RIN3: variants seen among roughly 807,000 people sequenced by gnomAD.
RIN3 encodes the protein RAB5 interacting protein 3.
RIN3 carries 54 observed loss-of-function variants against 76.3 expected under a neutral mutation model. The ratio of observed to expected loss-of-function variants is 0.71; its 90% confidence interval spans 0.57 to 0.89. The LOEUF (loss-of-function observed/expected upper bound fraction) is 0.89. RIN3 is among the 40% of genes least tolerant of loss of function. RIN3 has a pLI of 0.00. For missense variants in RIN3, 1,256 were observed against 1,322.1 expected (o/e 0.95, Z 0.78); for synonymous variants, 576 against 564.0 (o/e 1.02, Z -0.30).
chr14:92,613,783 C>T (rs1885841647), intron 3 of RIN3, among the ~76,000 whole-genome samples: 1 of 152,194 alleles, frequency 6.6e-6, no homozygotes, highest in Non-Finnish European at 1.5e-5. Flanking sequence ...CCGGGTCCTG[C>T]CTTCCCTCTC....
chr14:92,560,778 G>A (rs1595416020), intron 2 of RIN3, among the ~76,000 whole-genome samples: 1 of 151,676 alleles, frequency 6.6e-6, no homozygotes, highest in Non-Finnish European at 1.5e-5. Flanking sequence ...CAGCCCTTTG[G>A]GAGGCCAAGG....
At chr14:92,646,579 G>A (rs112560164) in intron 5 of RIN3, among the ~76,000 whole-genome samples, 21,182 of 152,126 alleles carry the variant, frequency 0.14, 1,734 homozygotes, top group Non-Finnish European at 0.19. Flanking sequence ...AGCTGGGATT[G>A]CAGGCACCTG....
chr14:92,655,240 C>G lies in RIN3; in HGVS notation c.2026+2165C>G, dbSNP rs372611995. ...GCATGTGCCTGTAGTCCCAGTTACT[C>G]AGGTGGCTGAGGCACAAGAATTGCT... On this transcript the variant is annotated intron_variant, in intron 6 of 9. Transcript: ENST00000216487. Among the ~76,000 whole-genome samples the G allele has an allele frequency of 2.6e-5, 4 of 152,036 alleles. No individual in the cohort carries two copies. In the East Asian group the frequency reaches 5.8e-4, roughly 22 times the overall value.
Position 92,652,019 on chromosome 14 carries a change from C to CCCCAT in RIN3, c.971_975dup (p.Ala326ProfsTer15). ...CCCAGTGCCTGCCCCCCACGTCACA[C>CCCCAT]CCCATGCCCCAGGTCCCCCAGACCA... On this transcript the variant is annotated frameshift_variant, in exon 6 of 10. Transcript: ENST00000216487. LOFTEE classifies it high-confidence loss of function. This position sits in a 1 kb window ranked among gnomAD's most constrained non-coding sequence, Gnocchi z 6.4. The CCCCAT allele has an allele frequency of 6.3e-7, 1 of 1,585,146 alleles. No homozygotes were observed. The highest frequency in any genetic ancestry group is 1.1e-5 in the South Asian group (1 of 90,470).
chr14:92,519,579 C>T (rs905052256), intron 1 of RIN3, among the ~76,000 whole-genome samples: 1 of 152,186 alleles, frequency 6.6e-6, no homozygotes, highest in African/African-American at 2.4e-5. Context: ...AAGCCTGCCC[C>T]TGTCAGGGTT....
intron 1 of RIN3, among the ~76,000 whole-genome samples, chr14:92,519,418 G>A (rs1316985882): frequency 1.3e-5 from 2 of 152,248 alleles, no homozygotes; most frequent in Non-Finnish European, 2.9e-5. Context: ...TCTCAGGCGG[G>A]GAGCCCTGGT....
Position 92,685,316 on chromosome 14 carries a change from G to T in RIN3, c.2631+166G>T. ...ACCAGAGGAAGGGCCCCCAGCCCCT[G>T]CTGCCAGTGTGTGTCCAGGACTTGG... On this transcript the variant is annotated intron_variant, in intron 9 of 9. Transcript: ENST00000216487. The surrounding 1 kb of genome is among the most constrained non-coding windows in gnomAD (Gnocchi z 4.7). 1.5e-6 allele frequency: 1 copy of T among 683,836 alleles called. No individual in the cohort carries two copies. Among genetic ancestry groups the T allele is most frequent in the African/African-American group, 1.8e-5 (1 of 55,554 alleles). 42.4% of individuals were successfully genotyped at this position (683,836 alleles called of 1,614,324 possible).
chr14:92,545,241 G>GT (rs1236313117), intron 1 of RIN3, among the ~76,000 whole-genome samples: 1 of 151,202 alleles, frequency 6.6e-6, no homozygotes, highest in Admixed American at 6.6e-5. Flanking sequence ...TCCAAAGTAG[G>GT]TGGGACTACA....
chr14:92,530,058 T>C (rs1458758212), intron 1 of RIN3, among the ~76,000 whole-genome samples: 2 of 152,246 alleles, frequency 1.3e-5, no homozygotes, highest in Non-Finnish European at 2.9e-5. Flanking sequence ...TCAGTGTTCA[T>C]GGTGACTTTA....
intron 3 of RIN3, among the ~76,000 whole-genome samples, chr14:92,611,973 C>G (rs1383971432): frequency 6.6e-6 from 1 of 152,090 alleles, no homozygotes; most frequent in Non-Finnish European, 1.5e-5. Flanking sequence ...GGGAGCAGAG[C>G]AAGGTGGGGG....
intron 3 of RIN3, among the ~76,000 whole-genome samples, chr14:92,582,673 G>A (rs1042347974): frequency 2.0e-5 from 3 of 151,954 alleles, no homozygotes; most frequent in Non-Finnish European, 2.9e-5. Context: ...GGCTGGTCTC[G>A]AACTCCTGAC....
At chr14:92,670,975 A>C (rs1888268823) in intron 7 of RIN3, among the ~76,000 whole-genome samples, 1 of 152,226 alleles carries the variant, frequency 6.6e-6, no homozygotes, top group African/African-American at 2.4e-5. Flanking sequence ...TAAGGCCCAC[A>C]GGACATCCCA....
intron 5 of RIN3, among the ~76,000 whole-genome samples, chr14:92,647,499 T>G (rs1413580804): frequency 6.6e-6 from 1 of 152,220 alleles, no homozygotes; most frequent in Non-Finnish European, 1.5e-5. Flanking sequence ...AGGAAAGGCA[T>G]CTGTTCTGTG....
intron 8 of RIN3, among the ~76,000 whole-genome samples, chr14:92,678,994 C>G (rs1204832600): frequency 1.3e-5 from 2 of 152,218 alleles, no homozygotes; most frequent in Non-Finnish European, 2.9e-5. Flanking sequence ...GTCCCCCACC[C>G]CAATCCTGCC....
At position 92,648,090 on chromosome 14, in the gene RIN3, C is replaced by T. The variant is rs1595481362; in HGVS notation, c.533-3492C>T. Among the ~76,000 whole-genome samples the T allele has an allele frequency of 7.2e-6, 1 of 138,834 alleles. No individual in the cohort carries two copies. 91.1% of individuals were successfully genotyped at this position (138,834 alleles called of 152,430 possible). On this transcript the variant is annotated intron_variant, in intron 5 of 9. Transcript: ENST00000216487. The surrounding 1 kb of genome is among the most constrained non-coding windows in gnomAD (Gnocchi z 4.1). ...GCTGCAGAGAAAGTTACTCATTTCCCTTTTTTTTTTTTTTTTGGAGCATAA... is the reference window on the plus strand; with the variant it reads ...GCTGCAGAGAAAGTTACTCATTTCCTTTTTTTTTTTTTTTTTGGAGCATAA...
Position 92,651,679 on chromosome 14 carries a change from C to G in RIN3, c.630C>G (p.Leu210=), listed in dbSNP as rs759520468. 6.2e-7 allele frequency: 1 copy of G among 1,614,080 alleles called. No homozygotes were observed. The highest frequency in any genetic ancestry group is 1.7e-5 in the Admixed American group (1 of 60,020). The part of the protein sequence containing the change: ...RAPGFPLVSS[L]RPTAHDANCA... ...CCGGATTCCCCCTAGTCTCCAGCCT[C>G]AGGCCCACAGCCCATGACGCAAACT... Residue 210 remains leucine, a synonymous_variant, in exon 6 of 10, where the codon CTC becomes CTG. Transcript: ENST00000216487.
intron 5 of RIN3, among the ~76,000 whole-genome samples, chr14:92,650,294 A>G (rs1268225647): frequency 6.6e-6 from 1 of 152,112 alleles, no homozygotes; most frequent in Non-Finnish European, 1.5e-5. Context: ...CTCACTCCCC[A>G]ATCCGGTGAC....
intron 4 of RIN3, among the ~76,000 whole-genome samples, chr14:92,617,380 C>T (rs185996474): frequency 3.3e-5 from 5 of 151,874 alleles, no homozygotes; most frequent in South Asian, 2.1e-4. Context: ...TAGGTGAGAA[C>T]GTGACCAAAA....
intron 1 of RIN3, among the ~76,000 whole-genome samples, chr14:92,524,303 A>G (rs564619817): frequency 6.6e-6 from 1 of 152,136 alleles, no homozygotes; most frequent in Non-Finnish European, 1.5e-5. Flanking sequence ...TCGTTGAAAC[A>G]GTCTTGGGGT....
Sources: gnomAD v4.1 joint callset for allele counts (sites outside exome capture counted in the v4.1 genomes callset) on GRCh38, gnomAD v4.1.1 for gene constraint, Gnocchi (gnomAD v3.1) non-coding constraint, MANE v1.5 for transcripts, NCBI Gene and HGNC (gene_info 2026-07-23, HGNC 2026-07-21) for gene names.